Variants in USP24 observed in about 807,000 individuals in gnomAD.
The protein encoded by USP24 is ubiquitin carboxyl-terminal hydrolase 24.
A neutral mutation model predicts 361.6 loss-of-function variants in USP24; 97 were observed. The observed-to-expected ratio is 0.27, with a 90% confidence interval of 0.23 to 0.32. The LOEUF is 0.32. Among genes scored for constraint, USP24 ranks in the 10% least tolerant of loss-of-function variants. USP24 has a pLI of 1.00. For missense variants in USP24, 2,353 were observed against 3,165.6 expected (o/e 0.74, Z 6.16); for synonymous variants, 1,098 against 1,124.6 (o/e 0.98, Z 0.47).
Position 55,085,978 on chromosome 1 carries a change from C to T in USP24, c.6729G>A (p.Glu2243=), listed in dbSNP as rs759390649. Residue 2243 remains glutamate, a synonymous_variant, in exon 56 of 68, where the codon GAG becomes GAA. Transcript: ENST00000294383. ...AAAACAAGGCACTGTCTAGGGTTTT[C>T]TCCAGAATGGTGGCCACAGCAACTC... The part of the protein sequence containing the change: ...EVRVAVATIL[E]KTLDSALFYQ... 2 of 1,613,954 alleles carry T rather than the reference C, an allele frequency of 1.2e-6. No homozygotes were observed. The highest frequency in any genetic ancestry group is 2.2e-5 in the South Asian group (2 of 91,084).
intron 55 of USP24, among the ~76,000 whole-genome samples, chr1:55,086,971 T>C (rs182814419): frequency 7.9e-4 from 120 of 152,330 alleles, no homozygotes; most frequent in African/African-American, 2.9e-3. Flanking sequence ...GTCTGAATTC[T>C]TTAGATCAAT....
intron 36 of USP24, among the ~76,000 whole-genome samples, chr1:55,121,807 TA>T (rs1433318362): frequency 6.6e-6 from 1 of 152,202 alleles, no homozygotes; most frequent in Non-Finnish European, 1.5e-5. Context: ...AACTATAAAA[TA>T]TACCTTAAAA....
chr1:55,177,846 A>G, intron 2 of USP24, 121 bp downstream of exon 2: 4 of 906,144 alleles, frequency 4.4e-6, no homozygotes, highest in Non-Finnish European at 6.5e-6. Context: ...AGATAAGTGA[A>G]GACTAAGAGA....
At chr1:55,166,479 C>T (rs1410681334) in intron 6 of USP24, 89 bp downstream of exon 6, 2 of 1,162,494 alleles carry the variant, frequency 1.7e-6, no homozygotes, top group African/African-American at 1.6e-5. Context: ...TTCTCTGCAG[C>T]TGCCATTTGC....
At chr1:55,097,852 G>C in intron 47 of USP24, 91 bp downstream of exon 47, 1 of 1,519,910 alleles carries the variant, frequency 6.6e-7, no homozygotes, top group Non-Finnish European at 8.8e-7. Context: ...GGAAATAACA[G>C]TAGGAGCTTA....
chr1:55,123,588 A>T lies in USP24; in HGVS notation c.4135T>A (p.Ser1379Thr). The stretch of plus-strand genomic sequence containing the variant: ...GCTACTGGTTCTCCTTCACTTCCAG[A>T]GCTGCAATTGCTTCCTGAAAACAGG... ...RLSSSGSNCS[S>T]GSEGEPVALH... is the part of the protein sequence containing the mutation. The change falls in exon 36 of 68, where the codon TCT becomes ACT. Residue 1379 changes from serine to threonine, a missense_variant. Physicochemically the swap from Ser to Thr is moderately conservative, Grantham distance 58. Transcript: ENST00000294383. 6.3e-7 allele frequency: 1 copy of T among 1,594,482 alleles called. No homozygotes were observed. Among genetic ancestry groups the T allele is most frequent in the Non-Finnish European group, 8.5e-7 (1 of 1,170,104 alleles).
At chr1:55,164,934 C>G (rs936916641) in intron 7 of USP24, among the ~76,000 whole-genome samples, 3 of 151,990 alleles carry the variant, frequency 2.0e-5, no homozygotes, top group African/African-American at 7.2e-5. Context: ...ATCACAAGGA[C>G]AGTTCAACAA....
chr1:55,089,672 C>A lies in USP24; in HGVS notation c.6623G>T (p.Trp2208Leu), dbSNP rs1377538957. Residue 2208 changes from tryptophan to leucine, a missense_variant, in exon 55 of 68, where the codon TGG becomes TTG. This residue lies in a region of USP24 where 598 missense variants were observed against 761.9 expected (regional missense o/e 0.78). Coordinates refer to ENST00000294383, the MANE Select transcript of USP24 (RefSeq NM_015306.3). ...AGAACTAATAAAATATTCAACTAAC[C>A]ACTGACAAGCATCAAAACTTTTTGA... is the stretch of plus-strand genomic sequence containing the variant. ...LLSKSFDACQ[W>L]LVEYFISSEG... is the part of the protein sequence containing the mutation. 2 of 1,603,968 alleles carry A rather than the reference C, an allele frequency of 1.2e-6. No individual in the cohort carries two copies. Among genetic ancestry groups the A allele is most frequent in the Admixed American group, 1.7e-5 (1 of 58,724 alleles).
intron 38 of USP24, among the ~76,000 whole-genome samples, chr1:55,114,016 C>A (rs1445180793): frequency 6.6e-6 from 1 of 152,184 alleles, no homozygotes. Flanking sequence ...AAAACCCCAT[C>A]TTCTCTCAGG....
intron 1 of USP24, among the ~76,000 whole-genome samples, chr1:55,202,659 C>A (rs547091559): frequency 6.6e-6 from 1 of 152,212 alleles, no homozygotes; most frequent in African/African-American, 2.4e-5. Context: ...CCTGCCTTGG[C>A]CTCCCAAAGT....
intron 31 of USP24, among the ~76,000 whole-genome samples, chr1:55,131,953 T>C (rs906314264): frequency 6.6e-6 from 1 of 152,190 alleles, no homozygotes; most frequent in South Asian, 2.1e-4. Context: ...CACTTTCCCA[T>C]AGTGCTTTGT....
intron 1 of USP24, among the ~76,000 whole-genome samples, chr1:55,179,624 T>C (rs188506041): frequency 2.0e-5 from 3 of 152,318 alleles, no homozygotes; most frequent in Admixed American, 1.3e-4. Flanking sequence ...TCTAGTAGCA[T>C]AGCCAGAAGC....
chr1:55,186,267 T>C (rs1644128013), intron 1 of USP24, among the ~76,000 whole-genome samples: 1 of 152,090 alleles, frequency 6.6e-6, no homozygotes, highest in Non-Finnish European at 1.5e-5. Flanking sequence ...TTATAAAAAA[T>C]ATAGAAAAAA....
chr1:55,190,521 C>T (rs1312073452), intron 1 of USP24, among the ~76,000 whole-genome samples: 2 of 152,086 alleles, frequency 1.3e-5, no homozygotes, highest in Non-Finnish European at 2.9e-5. Context: ...GTCATAGCTC[C>T]GAACAGACAT....
chr1:55,099,743 G>T, intron 45 of USP24, 28 bp downstream of exon 45: 1 of 1,485,568 alleles, frequency 6.7e-7, no homozygotes, highest in Non-Finnish European at 9.2e-7. Context: ...GTTTGAGGGA[G>T]TTAGAGGGAA....
At chr1:55,176,338 G>T in intron 3 of USP24, 38 bp downstream of exon 3, 1 of 1,484,712 alleles carries the variant, frequency 6.7e-7, no homozygotes, top group South Asian at 1.2e-5. Context: ...CCCCCACCCC[G>T]ACACACACAA....
intron 1 of USP24, 139 bp from the exon 2 acceptor site, chr1:55,178,271 A>G (rs1476746273): frequency 1.1e-6 from 1 of 900,100 alleles, no homozygotes; most frequent in Non-Finnish European, 1.7e-6. Context: ...TTTCTTTCCT[A>G]TAATCACATC....
Position 55,214,673 on chromosome 1 carries a change from C to G in USP24, c.324+117G>C, listed in dbSNP as rs534793463. ...TCTCTCTCTCTCTCCGCCCCGCCCC[C>G]ACTAAAGCCCCAGTCGAATGCCCTC... On this transcript the variant is annotated intron_variant, in intron 1 of 67. Transcript: ENST00000294383. The G allele has an allele frequency of 6.7e-6, 6 of 889,338 alleles. No homozygotes were observed. The East Asian group carries it at 3.8e-4, about 56-fold the overall frequency. The allele number at this position is 889,338 out of a possible 1,614,324, so 55.1% of individuals were successfully genotyped here. A position where few individuals can be genotyped will look rare whatever the true frequency, so the allele number is the denominator to read the frequency against.
intron 19 of USP24, 21 bp downstream of exon 19, chr1:55,146,908 T>A (rs1395121663): frequency 6.2e-7 from 1 of 1,610,198 alleles, no homozygotes; most frequent in Non-Finnish European, 8.5e-7. Context: ...CCTTACTTTA[T>A]CCACAATACC....
Sources: allele counts gnomAD v4.1 joint callset (sites outside exome capture counted in the v4.1 genomes callset), GRCh38; gene constraint gnomAD v4.1.1; regional missense constraint gnomAD v4.1.1; transcripts MANE v1.5; gene names NCBI Gene and HGNC (gene_info 2026-07-23, HGNC 2026-07-21).